MYH15: variants seen among roughly 807,000 people sequenced by gnomAD.
MYH15 encodes myosin-15.
MYH15 carries 227 observed loss-of-function variants against 240.5 expected under a neutral mutation model. The observed-to-expected ratio is 0.94, with a 90% CI of 0.85 to 1.05. The LOEUF (loss-of-function observed/expected upper bound fraction) is 1.05. MYH15 is among the 50% of genes least tolerant of loss of function. The pLI, the probability that MYH15 is intolerant of heterozygous loss-of-function variation, is 0.00. For missense variants in MYH15, 2,217 were observed against 2,247.5 expected (o/e 0.99, Z 0.27); for synonymous variants, 785 against 796.7 (o/e 0.99, Z 0.25).
At chr3:108,411,329 A>T (rs1470613399) in intron 30 of MYH15, among the ~76,000 whole-genome samples, 1 of 152,198 alleles carries the variant, frequency 6.6e-6, no homozygotes, top group Non-Finnish European at 1.5e-5. Context: ...AGCCATATGT[A>T]GTCACTAAAG....
chr3:108,483,268 T>C (rs1055383913), intron 11 of MYH15, among the ~76,000 whole-genome samples: 1 of 142,126 alleles, frequency 7.0e-6, no homozygotes, highest in Non-Finnish European at 1.5e-5. Context: ...ATTTTAAAAA[T>C]AGGCAAAGGA....
intron 15 of MYH15, 34 bp from the exon 16 acceptor site, chr3:108,463,277 GA>G (rs748656518): frequency 6.4e-7 from 1 of 1,562,066 alleles, no homozygotes; most frequent in Non-Finnish European, 8.6e-7. Flanking sequence ...GTTAAAAAAA[GA>G]AAAAAAACTG....
intron 31 of MYH15, 121 bp from the exon 32 acceptor site, chr3:108,408,525 TTGA>T (rs2082563785): frequency 1.0e-6 from 1 of 965,796 alleles, no homozygotes; most frequent in African/African-American, 1.7e-5. Context: ...CCTTGGTAAC[TTGA>T]TGACCTATCC....
At chr3:108,491,822 C>T (rs2083350594) in intron 9 of MYH15, among the ~76,000 whole-genome samples, 1 of 152,180 alleles carries the variant, frequency 6.6e-6, no homozygotes, top group African/African-American at 2.4e-5. Flanking sequence ...TTCCCTGCTC[C>T]TGCTTTGCCC....
upstream of MYH15, among the ~76,000 whole-genome samples, chr3:108,532,948 T>C (rs2083721481): frequency 1.3e-5 from 2 of 152,138 alleles, no homozygotes; most frequent in African/African-American, 4.8e-5. Flanking sequence ...GTAACTAATG[T>C]ATTCAGGGTT....
At chr3:108,548,804 T>G in the MYH15 span, among the ~76,000 whole-genome samples, 1 of 152,056 alleles carries the variant, frequency 6.6e-6, no homozygotes, top group Non-Finnish European at 1.5e-5. Flanking sequence ...GAAGTAGAAA[T>G]TCAAACATAT....
chr3:108,535,080 G>A, the MYH15 span, among the ~76,000 whole-genome samples: 8 of 152,038 alleles, frequency 5.3e-5, no homozygotes, highest in African/African-American at 1.7e-4. Flanking sequence ...ATGCAGCATT[G>A]GTATTGTAGG....
At chr3:108,390,774 G>T (rs1302189385) in intron 37 of MYH15, among the ~76,000 whole-genome samples, 5 of 152,080 alleles carry the variant, frequency 3.3e-5, no homozygotes, top group African/African-American at 4.8e-5. Flanking sequence ...AGAGACTGCT[G>T]AGTTTTTTTC....
chr3:108,424,241 T>C (rs1040409610), intron 27 of MYH15, among the ~76,000 whole-genome samples: 1 of 152,216 alleles, frequency 6.6e-6, no homozygotes, highest in African/African-American at 2.4e-5. Flanking sequence ...GGCAGCCCAC[T>C]TGGACAGATA....
At chr3:108,544,128 C>T in the MYH15 span, among the ~76,000 whole-genome samples, 1 of 152,116 alleles carries the variant, frequency 6.6e-6, no homozygotes, top group Admixed American at 6.6e-5. Context: ...GTTTGTTCAG[C>T]TTTTTTTCTT....
chr3:108,447,112 T>A (rs1350928576), intron 21 of MYH15, among the ~76,000 whole-genome samples: 1 of 152,008 alleles, frequency 6.6e-6, no homozygotes, highest in Non-Finnish European at 1.5e-5. Flanking sequence ...AAAGTATAAA[T>A]GCAATCAAGG....
At chr3:108,431,784 G>A (rs2082781546) in intron 25 of MYH15, among the ~76,000 whole-genome samples, 1 of 152,206 alleles carries the variant, frequency 6.6e-6, no homozygotes, top group African/African-American at 2.4e-5. Context: ...AAACTCCCTA[G>A]AGATTTGTTG....
At chr3:108,521,376 A>G (rs935831796) in intron 1 of MYH15, among the ~76,000 whole-genome samples, 2 of 151,354 alleles carry the variant, frequency 1.3e-5, no homozygotes, top group African/African-American at 4.9e-5. Context: ...CTTTTTTAAA[A>G]TGACTTTTGG....
At chr3:108,401,717 C>T (rs2082507322) in intron 33 of MYH15, among the ~76,000 whole-genome samples, 1 of 152,226 alleles carries the variant, frequency 6.6e-6, no homozygotes, top group African/African-American at 2.4e-5. Context: ...TTTCAAACTG[C>T]ACTTTTCCCA....
chr3:108,482,843 C>T (rs1408440107), intron 11 of MYH15, among the ~76,000 whole-genome samples: 1 of 152,090 alleles, frequency 6.6e-6, no homozygotes, highest in African/African-American at 2.4e-5. Context: ...ATCTTGTTCA[C>T]GGATGTATCC....
At chr3:108,473,288 C>A (rs761703430) in intron 12 of MYH15, among the ~76,000 whole-genome samples, 20 of 152,186 alleles carry the variant, frequency 1.3e-4, no homozygotes, top group Non-Finnish European at 1.6e-4. Context: ...GAATTATGGG[C>A]GTGAGCCACC....
intron 28 of MYH15, among the ~76,000 whole-genome samples, chr3:108,419,796 A>G (rs1430772823): frequency 6.6e-6 from 1 of 152,162 alleles, no homozygotes; most frequent in African/African-American, 2.4e-5. Flanking sequence ...TACTGGAGGA[A>G]TTGTGTTATA....
chr3:108,471,064 G>GGGGGGAGGAAGA (rs2083170754), intron 12 of MYH15, among the ~76,000 whole-genome samples: 1 of 97,654 alleles, frequency 1.0e-5, no homozygotes, highest in Non-Finnish European at 1.9e-5. Context: ...AGGAAGGAAG[G>GGGGGGAGGAAGA]GAGGGAGGGA....
At chr3:108,426,661 G>A (rs1283147349) in intron 27 of MYH15, among the ~76,000 whole-genome samples, 1 of 152,202 alleles carries the variant, frequency 6.6e-6, no homozygotes, top group Admixed American at 6.5e-5. Context: ...TGCCATGGAA[G>A]CAGGACCACC....
Sources: gnomAD v4.1 joint callset for allele counts (sites outside exome capture counted in the v4.1 genomes callset) on GRCh38, gnomAD v4.1.1 for gene constraint, MANE v1.5 for transcripts, NCBI Gene and HGNC (gene_info 2026-07-23, HGNC 2026-07-21) for gene names.